The following WNT2 variants were observed in gnomAD, a reference collection of about 807,000 sequenced individuals.
WNT2 encodes Wnt family member 2.
Under a neutral mutation model 36.9 loss-of-function variants are expected in WNT2, and 12 were observed. That is an observed-to-expected ratio of 0.33 (90% confidence interval 0.21 to 0.53). The LOEUF (loss-of-function observed/expected upper bound fraction) is 0.53. Among genes scored for constraint, WNT2 ranks in the 20% least tolerant of loss-of-function variants. The probability of loss-of-function intolerance (pLI) is 0.95; values close to 1 mark genes in which losing one functional copy is unlikely to be tolerated. For missense variants in WNT2, 379 were observed against 473.1 expected (o/e 0.80, Z 1.84); for synonymous variants, 163 against 174.6 (o/e 0.93, Z 0.52).
rs745796584 is a variant in WNT2, at chr7:117,314,608, AG to A, written c.588+462del. Among the ~76,000 whole-genome samples the A allele has an allele frequency of 4.6e-5, 7 of 152,312 alleles. No individual in the cohort carries two copies. In the East Asian group the frequency reaches 9.6e-4, roughly 21 times the overall value. ...TGAGACTTGGGTCAGGTTCCCAAAG[AG>A]GGCATCCCTAAATCTAGAAGAAGCC... On this transcript the variant is annotated intron_variant, in intron 3 of 4. Transcript: ENST00000265441.
At chr7:117,309,855 A>G (rs1357659935) in intron 3 of WNT2, among the ~76,000 whole-genome samples, 1 of 152,184 alleles carries the variant, frequency 6.6e-6, no homozygotes, top group East Asian at 1.9e-4. Flanking sequence ...ATATTAATAA[A>G]CACCCAGAAG....
chr7:117,317,119 A>G (rs1795235621), intron 2 of WNT2, among the ~76,000 whole-genome samples: 1 of 152,218 alleles, frequency 6.6e-6, no homozygotes, highest in African/African-American at 2.4e-5. Context: ...AAGCTTAAGT[A>G]TGTAGCACTA....
chr7:117,285,692 A>G (rs912086641), intron 4 of WNT2, among the ~76,000 whole-genome samples: 3 of 152,238 alleles, frequency 2.0e-5, no homozygotes, highest in African/African-American at 7.2e-5. Context: ...AAAAGGATAA[A>G]CATATATTTG....
intron 4 of WNT2, among the ~76,000 whole-genome samples, chr7:117,296,236 T>C (rs1369031643): frequency 6.6e-6 from 1 of 152,210 alleles, no homozygotes; most frequent in Non-Finnish European, 1.5e-5. Context: ...TCCCAAAGCA[T>C]GTCAGGAATG....
chr7:117,280,871 G>C (rs1240345107), intron 4 of WNT2, among the ~76,000 whole-genome samples: 1 of 152,206 alleles, frequency 6.6e-6, no homozygotes, highest in African/African-American at 2.4e-5. Flanking sequence ...ACTACTATGT[G>C]CTAGGCACAG....
chr7:117,305,815 C>T (rs2116371393), intron 3 of WNT2, among the ~76,000 whole-genome samples: 1 of 152,280 alleles, frequency 6.6e-6, no homozygotes, highest in South Asian at 2.1e-4. Context: ...TGGGACTACA[C>T]ACAGGTGCCA....
intron 4 of WNT2, among the ~76,000 whole-genome samples, chr7:117,292,629 TA>T (rs1181465409): frequency 3.9e-5 from 6 of 152,220 alleles, no homozygotes; most frequent in African/African-American, 1.4e-4. Flanking sequence ...CTAGTAGCGT[TA>T]CTTCAGGACT....
At chr7:117,292,277 C>T (rs1339713906) in intron 4 of WNT2, among the ~76,000 whole-genome samples, 1 of 151,406 alleles carries the variant, frequency 6.6e-6, no homozygotes, top group Non-Finnish European at 1.5e-5. Flanking sequence ...CACACAGGAC[C>T]TACTCCCAAC....
rs144898264 is a variant in WNT2 at position 117,322,536 on chromosome 7, T to TACACACACACACAC, written c.83+357_83+370dup. Among the ~76,000 whole-genome samples the TACACACACACACAC allele has an allele frequency of 0.013, 1,713 of 127,944 alleles. 20 individuals carry two copies. The highest frequency in any genetic ancestry group is 0.024 in the African/African-American group (782 of 32,186). The allele number at this position is 127,944 out of a possible 152,430, so 83.9% of individuals were successfully genotyped here. A position where few individuals can be genotyped will look rare whatever the true frequency, so the allele number is the denominator to read the frequency against. On this transcript the variant is annotated intron_variant, in intron 1 of 4. Transcript: ENST00000265441. The surrounding 1 kb of genome is among the most constrained non-coding windows in gnomAD (Gnocchi z 5.4). ...GCGGTTGTAGTTTTCAAGGTGAATT[T>TACACACACACACAC]ACACACACACACACACACACACACA...
At chr7:117,300,474 C>A (rs547760729) in intron 3 of WNT2, among the ~76,000 whole-genome samples, 2 of 152,100 alleles carry the variant, frequency 1.3e-5, no homozygotes, top group Non-Finnish European at 2.9e-5. Flanking sequence ...CGTGAGCCAT[C>A]GTACCTGGCC....
At chr7:117,299,556 G>A (rs1193139124) in intron 3 of WNT2, among the ~76,000 whole-genome samples, 3 of 148,984 alleles carry the variant, frequency 2.0e-5, no homozygotes, top group Non-Finnish European at 4.4e-5. Context: ...GGAGTGGTGT[G>A]ACTGTAGCTC....
At chr7:117,321,118 A>C (rs768411823) in intron 1 of WNT2, among the ~76,000 whole-genome samples, 3 of 152,158 alleles carry the variant, frequency 2.0e-5, no homozygotes, top group Non-Finnish European at 4.4e-5. Context: ...GACGGGTAAG[A>C]AGCAACGTGT....
At chr7:117,298,974 G>A (rs911678050) in intron 3 of WNT2, among the ~76,000 whole-genome samples, 3 of 152,142 alleles carry the variant, frequency 2.0e-5, no homozygotes, top group Admixed American at 6.5e-5. Flanking sequence ...CCCCACCTCC[G>A]TTGTGGATGG....
chr7:117,278,480 G>A, intron 4 of WNT2, 96 bp from the exon 5 acceptor site: 1 of 1,197,760 alleles, frequency 8.3e-7, no homozygotes. Context: ...CCAGGACAGA[G>A]CCCTGACCCT....
At chr7:117,317,995 T>A (rs1010860534) in intron 2 of WNT2, among the ~76,000 whole-genome samples, 3 of 152,336 alleles carry the variant, frequency 2.0e-5, no homozygotes, top group South Asian at 4.1e-4. Flanking sequence ...GTTTTGCTAG[T>A]TCTGTCCTTG....
chr7:117,316,473 CAG>C (rs1242216635), intron 2 of WNT2, among the ~76,000 whole-genome samples: 1 of 152,170 alleles, frequency 6.6e-6, no homozygotes, highest in Non-Finnish European at 1.5e-5. Flanking sequence ...AGGCAGAAAA[CAG>C]AGAACCATTT....
At chr7:117,303,034 A>T (rs548737349) in intron 3 of WNT2, among the ~76,000 whole-genome samples, 1 of 152,312 alleles carries the variant, frequency 6.6e-6, no homozygotes, top group Admixed American at 6.5e-5. Context: ...TCCTGGCTAC[A>T]TATTAAAATC....
chr7:117,294,098 T>C (rs1359014182), intron 4 of WNT2, among the ~76,000 whole-genome samples: 2 of 152,206 alleles, frequency 1.3e-5, no homozygotes, highest in Admixed American at 1.3e-4. Context: ...GGTCTCTCAC[T>C]ATGTTACCCA....
At chr7:117,289,637 A>C (rs1794649450) in intron 4 of WNT2, among the ~76,000 whole-genome samples, 1 of 152,170 alleles carries the variant, frequency 6.6e-6, no homozygotes, top group African/African-American at 2.4e-5. Context: ...GTTTTTTTAT[A>C]ATTTGCCATT....
Sources: allele counts gnomAD v4.1 joint callset (sites outside exome capture counted in the v4.1 genomes callset), GRCh38; gene constraint gnomAD v4.1.1; non-coding constraint Gnocchi (gnomAD v3.1); transcripts MANE v1.5; gene names NCBI Gene and HGNC (gene_info 2026-07-23, HGNC 2026-07-21).